The following OSGEPL1 variants were observed in gnomAD, a reference collection of about 807,000 sequenced individuals.
OSGEPL1 encodes tRNA N6-adenosine threonylcarbamoyltransferase, mitochondrial.
OSGEPL1 carries 26 observed loss-of-function variants against 37.2 expected under a neutral mutation model. The observed-to-expected ratio is 0.70, with a 90% CI of 0.51 to 0.97. The LOEUF is 0.97. OSGEPL1 is among the 50% of genes least tolerant of loss of function. OSGEPL1 has a pLI of 0.00. For synonymous variants in OSGEPL1, 140 were observed against 159.9 expected (o/e 0.88, Z 0.94); for missense variants, 404 against 487.0 (o/e 0.83, Z 1.60).
intron 7 of OSGEPL1, among the ~76,000 whole-genome samples, chr2:189,752,427 A>C (rs2045414048): frequency 6.6e-6 from 1 of 152,178 alleles, no homozygotes; most frequent in Admixed American, 6.5e-5. Context: ...CTTACTCATG[A>C]CCTGTTTCTA....
intron 8 of OSGEPL1, among the ~76,000 whole-genome samples, chr2:189,747,524 A>G (rs2105928483): frequency 6.6e-6 from 1 of 152,138 alleles, no homozygotes; most frequent in South Asian, 2.1e-4. Context: ...CTCATTCTCC[A>G]TATTTATAGT....
intron 8 of OSGEPL1, among the ~76,000 whole-genome samples, chr2:189,749,967 CAAA>C (rs1484702909): frequency 6.6e-6 from 1 of 151,910 alleles, no homozygotes; most frequent in African/African-American, 2.4e-5. Flanking sequence ...ACTAAAAAAA[CAAA>C]AAATTAGCCA....
In OSGEPL1 at chr2:189,752,892, G is replaced by T. The variant is rs766587382; in HGVS notation, c.1051C>A (p.Pro351Thr). The T allele has an allele frequency of 6.2e-7, 1 of 1,613,838 alleles. No individual in the cohort carries two copies. The highest frequency in any genetic ancestry group is 8.5e-7 in the Non-Finnish European group (1 of 1,179,818). Residue 351 changes from proline (P) to threonine (T), a missense_variant, in exon 6 of 9, where the codon CCT (proline) becomes ACT (threonine). Coordinates refer to ENST00000264151, the MANE Select transcript of OSGEPL1 (RefSeq NM_022353.3). ...TTATCAGTGCATAGTCTGGGAGGAG[G>T]ACACAACAAAGTGCACTGTGTTGCA... ...TNATQCTLLC[P>T]PPRLCTDNGI...
In OSGEPL1 at chr2:189,755,479, G is replaced by A; in HGVS notation, c.303C>T (p.Ala101=). ...IQRIVQEALS[A]SGVSPSDLSA... The stretch of plus-strand genomic sequence containing the variant: ...AGAGGTCACTTGGAGAGACTCCACT[G>A]GCAGAAAGAGCTTCTTGTACTATTC... The change falls in exon 3 of 9, where the codon GCC becomes GCT. Residue 101 remains alanine, a synonymous_variant. Coordinates refer to ENST00000264151, the MANE Select transcript of OSGEPL1 (RefSeq NM_022353.3). The A allele has an allele frequency of 6.2e-7, 1 of 1,600,868 alleles. No individual in the cohort carries two copies. The highest frequency in any genetic ancestry group is 8.5e-7 in the Non-Finnish European group (1 of 1,176,852).
At chr2:189,756,613 C>T (rs2046125916) in intron 2 of OSGEPL1, among the ~76,000 whole-genome samples, 1 of 152,186 alleles carries the variant, frequency 6.6e-6, no homozygotes. Context: ...TTCAAAGCTA[C>T]TTTTTCTCTT....
Position 189,746,662 on chromosome 2 carries a change from T to C in OSGEPL1, c.*535A>G. The C allele has an allele frequency of 1.3e-6, 2 of 1,541,578 alleles. No homozygotes were observed. Among genetic ancestry groups the C allele is most frequent in the Non-Finnish European group, 8.7e-7 (1 of 1,151,514 alleles). On this transcript the variant is annotated 3_prime_UTR_variant, in exon 9 of 9. Transcript: ENST00000264151. ...TTAGAATGAAAGGATTCCTGAGCCA[T>C]CTTTTAAAAATTTTTTTATTTTTAA...
intron 8 of OSGEPL1, among the ~76,000 whole-genome samples, chr2:189,748,486 A>G (rs954553740): frequency 2.0e-5 from 3 of 152,224 alleles, no homozygotes; most frequent in African/African-American, 7.2e-5. Context: ...GGCCTCCCAA[A>G]GCATTAGGAT....
At chr2:189,751,165 G>C (rs1200715545) in intron 7 of OSGEPL1, among the ~76,000 whole-genome samples, 1 of 152,058 alleles carries the variant, frequency 6.6e-6, no homozygotes, top group African/African-American at 2.4e-5. Context: ...TTCCTCCTCA[G>C]TAACTAATTT....
intron 7 of OSGEPL1, among the ~76,000 whole-genome samples, chr2:189,751,933 G>A (rs2105976416): frequency 6.6e-6 from 1 of 150,960 alleles, no homozygotes; most frequent in East Asian, 2.0e-4. Context: ...ATCACTTGAG[G>A]CCTGGAGTTC....
chr2:189,748,706 A>G (rs904765630), intron 8 of OSGEPL1, among the ~76,000 whole-genome samples: 1 of 152,218 alleles, frequency 6.6e-6, no homozygotes, highest in African/African-American at 2.4e-5. Flanking sequence ...AGCACCATTA[A>G]GGATAAGAAT....
In OSGEPL1 at chr2:189,754,048, T is replaced by C. The variant is rs1248051540; in HGVS notation, c.831A>G (p.Gln277=). The C allele has an allele frequency of 6.2e-7, 1 of 1,613,142 alleles. No individual in the cohort carries two copies. The highest frequency in any genetic ancestry group is 2.2e-5 in the East Asian group (1 of 44,888). Residue 277 remains glutamine, a synonymous_variant, in exon 5 of 9, where the codon CAA becomes CAG. Transcript: ENST00000264151. ...CAATGTCTGCTGCTGAAGACAGGAT[T>C]TGCCCCTTCTCAATACCTGCAGAAA... ...KEKEEGIEKG[Q]ILSSAADIAA...
intron 2 of OSGEPL1, among the ~76,000 whole-genome samples, chr2:189,760,233 G>A (rs190401039): frequency 0.011 from 1,737 of 152,104 alleles, 14 homozygotes; most frequent in South Asian, 0.022. Flanking sequence ...CGACAAAACC[G>A]CCATTGTCAT....
chr2:189,761,817 T>A (rs1216225545), intron 1 of OSGEPL1, among the ~76,000 whole-genome samples, 157 bp from the exon 2 acceptor site: 1 of 152,146 alleles, frequency 6.6e-6, no homozygotes, highest in Non-Finnish European at 1.5e-5. Context: ...ATATTATGAA[T>A]GAATATAATG....
chr2:189,761,554 A>T lies in OSGEPL1; in HGVS notation c.87T>A (p.His29Gln), dbSNP rs2047068005. The T allele has an allele frequency of 6.2e-7, 1 of 1,611,278 alleles. No individual in the cohort carries two copies. The highest frequency in any genetic ancestry group is 1.1e-5 in the South Asian group (1 of 89,996). The change falls in exon 2 of 9, where the codon CAT becomes CAA. Residue 29 changes from histidine (H) to glutamine (Q), a missense_variant. Coordinates refer to ENST00000264151, the MANE Select transcript of OSGEPL1 (RefSeq NM_022353.3). ...VYEFLRSFNF[H>Q]PGTLFLHKIV... is the part of the protein sequence containing the mutation. ...TTTTATGAAGAAATAGTGTTCCAGG[A>T]TGAAAATTAAAACTTCTTAAAAATT...
chr2:189,753,964 A>G lies in OSGEPL1; in HGVS notation c.915T>C (p.Ile305=). 1 of 1,613,822 alleles carries G rather than the reference A, an allele frequency of 6.2e-7. No individual in the cohort carries two copies. The highest frequency in any genetic ancestry group is 8.5e-7 in the Non-Finnish European group (1 of 1,179,820). Reference sequence around the variant, plus strand: ...ACAAGTCTCTCTGCTTACAAAACAGAATAGCCCGATGTGTTCTTTTCACAA... The same window carrying G: ...ACAAGTCTCTCTGCTTACAAAACAGGATAGCCCGATGTGTTCTTTTCACAA... ...CHLVKRTHRA[I]LFCKQRDLLP... The change falls in exon 5 of 9, where the codon ATT becomes ATC. Residue 305 remains isoleucine (I), a synonymous_variant. Coordinates refer to ENST00000264151, the MANE Select transcript of OSGEPL1 (RefSeq NM_022353.3).
chr2:189,750,449 TAGAA>T, intron 8 of OSGEPL1, 97 bp downstream of exon 8: 1 of 290,306 alleles, frequency 3.4e-6, no homozygotes, highest in Admixed American at 1.1e-4. Context: ...AAACATCAAA[TAGAA>T]AAAAAAAAAT....
chr2:189,752,224 G>T (rs2105979462), intron 7 of OSGEPL1, among the ~76,000 whole-genome samples: 1 of 152,280 alleles, frequency 6.6e-6, no homozygotes, highest in South Asian at 2.1e-4. Context: ...GCAGGAAACA[G>T]CTATCTTTCG....
intron 2 of OSGEPL1, among the ~76,000 whole-genome samples, chr2:189,759,177 G>A (rs1253161118): frequency 6.6e-6 from 1 of 152,036 alleles, no homozygotes; most frequent in East Asian, 1.9e-4. Flanking sequence ...TATTGTTTGA[G>A]GCTCAATCTG....
chr2:189,749,846 G>C lies in OSGEPL1; in HGVS notation c.*28+704C>G, dbSNP rs980176080. Among the ~76,000 whole-genome samples the C allele has an allele frequency of 3.3e-5, 5 of 152,278 alleles. No individual in the cohort carries two copies. The South Asian group carries it at 1.0e-3, about 32-fold the overall frequency. On this transcript the variant is annotated intron_variant, in intron 8 of 8. Coordinates refer to ENST00000264151, the MANE Select transcript of OSGEPL1 (RefSeq NM_022353.3). ...GCTTTGACATGACTGATCTAAAATTGCTCTCTTGAGCACATCTGTAATCCC... is the reference window on the plus strand; with the variant it reads ...GCTTTGACATGACTGATCTAAAATTCCTCTCTTGAGCACATCTGTAATCCC...
Sources: gnomAD v4.1 joint callset for allele counts (sites outside exome capture counted in the v4.1 genomes callset) on GRCh38, gnomAD v4.1.1 for gene constraint, MANE v1.5 for transcripts, NCBI Gene and HGNC (gene_info 2026-07-23, HGNC 2026-07-21) for gene names.